AKAP9: variants seen among roughly 807,000 people sequenced by gnomAD.
AKAP9 encodes the protein A-kinase anchoring protein 9.
Under a neutral mutation model 488.5 loss-of-function variants are expected in AKAP9, and 311 were observed. That is an observed-to-expected ratio of 0.64 (90% CI 0.58 to 0.70). AKAP9 has a LOEUF of 0.70. AKAP9 is among the 30% of genes least tolerant of loss of function. AKAP9 has a pLI of 0.00. For synonymous variants in AKAP9, 1,462 were observed against 1,483.5 expected, an observed-to-expected ratio of 0.99 and a Z score of 0.33; for missense variants, 4,215 against 4,374.5, an observed-to-expected ratio of 0.96 and a Z score of 1.03.
chr7:91,980,340 C>G lies in AKAP9; in HGVS notation c.351+7C>G. The G allele has an allele frequency of 6.7e-7, 1 of 1,481,666 alleles. No homozygotes were observed. Among genetic ancestry groups the G allele is most frequent in the South Asian group, 1.3e-5 (1 of 79,566 alleles). 91.8% of individuals were successfully genotyped at this position (1,481,666 alleles called of 1,614,324 possible). ...AGATGACTGCAGTTCAGAGGTAAGACTAAATTATATTGATTTCTAATATCA... is the reference window on the plus strand; with the variant it reads ...AGATGACTGCAGTTCAGAGGTAAGAGTAAATTATATTGATTTCTAATATCA... On this transcript the variant is annotated splice_region_variant and intron_variant, in intron 3 of 49. Transcript: ENST00000356239.
Position 92,084,633 on chromosome 7 carries a change from T to G in AKAP9, c.8647-7T>G. The G allele has an allele frequency of 6.2e-7, 1 of 1,601,734 alleles. No homozygotes were observed. ...AAATATATGTACTTTTTGTTTTCTC[T>G]AATTAGGGATCCTCAATTCCTGAGC... On this transcript the variant is annotated splice_polypyrimidine_tract_variant and splice_region_variant and intron_variant, in intron 33 of 49. Transcript: ENST00000356239.
At chr7:91,954,978 A>C (rs903641546) in intron 1 of AKAP9, among the ~76,000 whole-genome samples, 1 of 152,258 alleles carries the variant, frequency 6.6e-6, no homozygotes, top group African/African-American at 2.4e-5. Context: ...TAGGTTGATT[A>C]TATAAACTGT....
chr7:91,999,305 A>G (rs1466208791), intron 7 of AKAP9, among the ~76,000 whole-genome samples: 4 of 152,176 alleles, frequency 2.6e-5, no homozygotes, highest in African/African-American at 7.2e-5. Context: ...AGCTCACTGC[A>G]ACCTCTGCCC....
intron 1 of AKAP9, among the ~76,000 whole-genome samples, chr7:91,948,092 G>A (rs74863167): frequency 0.011 from 1,606 of 152,180 alleles, 26 homozygotes; most frequent in African/African-American, 0.037. Context: ...TGTTTTCAAG[G>A]TTCATCCATT....
rs777804211 is a variant in AKAP9 at position 92,080,110 on chromosome 7, GAAAGA to G, written c.7989_7993del (p.Arg2664ProfsTer5). The G allele has an allele frequency of 9.4e-6, 15 of 1,592,216 alleles. No homozygotes were observed. The highest frequency in any genetic ancestry group is 1.4e-5 in the African/African-American group (1 of 73,702). On this transcript the variant is annotated frameshift_variant, in exon 31 of 50. Coordinates refer to ENST00000356239, the MANE Select transcript of AKAP9 (RefSeq NM_005751.5). LOFTEE classifies it high-confidence loss of function. ...AGGGCAATGAGAAAAAACAGAGAGA[GAAAGA>G]AAAGAAAAGAAGCCCTCAAGATGTT... is the stretch of plus-strand genomic sequence containing the variant.
rs763275688 is a variant in AKAP9, at chr7:92,079,159, G to A, written c.7026G>A (p.Lys2342=). The change falls in exon 31 of 50, where the codon AAG becomes AAA. Residue 2342 remains lysine, a synonymous_variant. Coordinates refer to ENST00000356239, the MANE Select transcript of AKAP9 (RefSeq NM_005751.5). ...ECLMSDQECV[K]RNREEEIEQL... is the part of the protein sequence containing the mutation. ...TGATGAGTGATCAAGAATGTGTGAA[G>A]AGAAATAGAGAAGAAGAAATAGAGC... 56 of 1,613,740 alleles carry A rather than the reference G, an allele frequency of 3.5e-5. No homozygotes were observed. The Admixed American group carries it at 9.3e-4, about 27-fold the overall frequency.
rs371897121 is a variant in AKAP9 at position 92,084,952 on chromosome 7, T to C, written c.8832+12T>C. The C allele has an allele frequency of 3.8e-5, 62 of 1,611,692 alleles. No individual in the cohort carries two copies. Among genetic ancestry groups the C allele is most frequent in the Non-Finnish European group, 5.2e-5 (61 of 1,178,704 alleles). On this transcript the variant is annotated intron_variant, in intron 35 of 49. Transcript: ENST00000356239. Reference sequence around the variant, plus strand: ...CAAAGAAAATAAAGGTACTAAAAGATAGATACCTTTTATTAACTCAGCCAG... The same window carrying C: ...CAAAGAAAATAAAGGTACTAAAAGACAGATACCTTTTATTAACTCAGCCAG...
At chr7:92,017,304 G>A (rs371335740) in intron 12 of AKAP9, among the ~76,000 whole-genome samples, 5 of 152,024 alleles carry the variant, frequency 3.3e-5, no homozygotes, top group East Asian at 3.8e-4. Flanking sequence ...CCCCTTTAGA[G>A]AGTTTTTAGA....
Position 91,986,223 on chromosome 7 carries a change from C to G in AKAP9, c.351+5890C>G, listed in dbSNP as rs188777941. On this transcript the variant is annotated intron_variant, in intron 3 of 49. Coordinates refer to ENST00000356239, the MANE Select transcript of AKAP9 (RefSeq NM_005751.5). Reference sequence around the variant, plus strand: ...TGAGCCAGGCACGGGAGAGAATCTCCTGGTCTGCCAGTTTCTGAGACCATT... The same window carrying G: ...TGAGCCAGGCACGGGAGAGAATCTCGTGGTCTGCCAGTTTCTGAGACCATT... 3.9e-4 allele frequency among the ~76,000 whole-genome samples: 60 copies of G among 152,292 alleles called. 1 individual carries two copies. Among genetic ancestry groups the G allele is most frequent in the African/African-American group, 1.4e-3 (57 of 41,544 alleles).
intron 10 of AKAP9, among the ~76,000 whole-genome samples, chr7:92,015,900 G>A (rs1186985530): frequency 6.6e-6 from 1 of 152,092 alleles, no homozygotes; most frequent in African/African-American, 2.4e-5. Context: ...AAAAATTATA[G>A]TTTTGTGCAA....
In AKAP9 at chr7:92,083,611, T is replaced by C. The variant is rs1813983355; in HGVS notation, c.8602T>C (p.Cys2868Arg). ...YVAVQLLKEE[C>R]GTLKAVIQCL... ...TGCCGTTCAGTTACTGAAAGAGGAA[T>C]GTGGTACCTTGAAGGCAGTGATACA... The change falls in exon 33 of 50, where the codon TGT (cysteine) becomes CGT (arginine). Residue 2868 changes from cysteine (C) to arginine (R), a missense_variant. Cys to Arg is a radical substitution (Grantham distance 180). This residue lies in a region of AKAP9 where 1,476 missense variants were observed against 1,477.4 expected (regional missense o/e 1.00). Coordinates refer to ENST00000356239, the MANE Select transcript of AKAP9 (RefSeq NM_005751.5). 6.2e-7 allele frequency: 1 copy of C among 1,606,214 alleles called. No homozygotes were observed. Among genetic ancestry groups the C allele is most frequent in the South Asian group, 1.1e-5 (1 of 89,044 alleles).
intron 3 of AKAP9, among the ~76,000 whole-genome samples, chr7:91,982,335 T>TC (rs1401797674): frequency 6.6e-6 from 1 of 151,616 alleles, no homozygotes; most frequent in Non-Finnish European, 1.5e-5. Flanking sequence ...ATGCTATCCC[T>TC]CCCCCAGCGC....
chr7:92,110,146 G>T lies in AKAP9; in HGVS notation c.11711G>T (p.Gly3904Val). Residue 3904 changes from glycine to valine, a missense_variant, in exon 50 of 50, where the codon GGC (glycine) becomes GTC (valine). Gly to Val is a moderately radical substitution (Grantham distance 109). Transcript: ENST00000356239. ...GGTTCAACTACTCAATTTCATGCTG[G>T]CATGAGAAGATAATCCTTTGAAACA... is the stretch of plus-strand genomic sequence containing the variant. ...QSGSTTQFHA[G>V]MRR The T allele has an allele frequency of 1.2e-6, 2 of 1,602,120 alleles. No homozygotes were observed. Among genetic ancestry groups the T allele is most frequent in the South Asian group, 1.1e-5 (1 of 89,676 alleles).
chr7:92,092,867 G>T, intron 38 of AKAP9: 2 of 453,318 alleles, frequency 4.4e-6, no homozygotes, highest in East Asian at 4.2e-5. Context: ...GGCTGGTCTT[G>T]AACTCCTGGC....
intron 21 of AKAP9, among the ~76,000 whole-genome samples, chr7:92,049,486 C>T (rs1415056585): frequency 1.3e-5 from 2 of 152,056 alleles, no homozygotes; most frequent in Admixed American, 6.6e-5. Flanking sequence ...TGGTGGGCGC[C>T]TGTAGTCCCA....
rs140973676 is a variant in AKAP9, at chr7:92,001,743, C to A, written c.1826C>A (p.Ala609Asp). The A allele has an allele frequency of 7.4e-6, 12 of 1,612,970 alleles. No individual in the cohort carries two copies. The highest frequency in any genetic ancestry group is 8.5e-6 in the Non-Finnish European group (10 of 1,179,748). Residue 609 changes from alanine to aspartate, a missense_variant, in exon 8 of 50, where the codon GCT (alanine) becomes GAT (aspartate). Around this residue, in one of 5 missense-constraint regions of AKAP9, gnomAD observed 2,361 missense variants for 2,430.0 expected, o/e 0.97. Transcript: ENST00000356239. ...KLEMLEKEKN[A>D]VLDRMAESQE... is the part of the protein sequence containing the mutation. ...GAAATGTTAGAAAAAGAAAAGAATG[C>A]TGTGTTAGACAGAATGGCTGAATCA...
chr7:92,098,226 T>TA lies in AKAP9; in HGVS notation c.10713+16dup, dbSNP rs1448108923. 3 of 1,517,598 alleles carry TA rather than the reference T, an allele frequency of 2.0e-6. No homozygotes were observed. The South Asian group carries it at 3.4e-5, about 17-fold the overall frequency. 94.0% of individuals were successfully genotyped at this position (1,517,598 alleles called of 1,614,324 possible). Reference sequence around the variant, plus strand: ...AGCAAGGTGAAGAGGTAATACTTTTTAAAAGTTATTTCTGAAGCATTGAGA... The same window carrying TA: ...AGCAAGGTGAAGAGGTAATACTTTTTAAAAAGTTATTTCTGAAGCATTGAGA... On this transcript the variant is annotated intron_variant, in intron 43 of 49. Coordinates refer to ENST00000356239, the MANE Select transcript of AKAP9 (RefSeq NM_005751.5).
intron 10 of AKAP9, among the ~76,000 whole-genome samples, 158 bp downstream of exon 10, chr7:92,014,486 C>T (rs916540938): frequency 1.3e-4 from 20 of 151,942 alleles, no homozygotes; most frequent in Non-Finnish European, 2.2e-4. Context: ...AAAATCAGTC[C>T]GGCATTGTGG....
At chr7:91,970,212 C>CT (rs2130548226) in intron 1 of AKAP9, among the ~76,000 whole-genome samples, 1 of 152,252 alleles carries the variant, frequency 6.6e-6, no homozygotes, top group South Asian at 2.1e-4. Context: ...CCTCTATACT[C>CT]TAACTCCATT....
Sources: allele counts gnomAD v4.1 joint callset (sites outside exome capture counted in the v4.1 genomes callset), GRCh38; gene constraint gnomAD v4.1.1; regional missense constraint gnomAD v4.1.1; transcripts MANE v1.5; gene names NCBI Gene and HGNC (gene_info 2026-07-23, HGNC 2026-07-21).